Variants in OLFML1 observed in about 807,000 individuals in gnomAD.
The protein encoded by OLFML1 is olfactomedin like 1, also known as olfactomedin-like protein 1.
Under a neutral mutation model 37.3 loss-of-function variants are expected in OLFML1, and 33 were observed. The ratio of observed to expected loss-of-function variants is 0.88; its 90% confidence interval spans 0.67 to 1.18. OLFML1 has a LOEUF of 1.18. Ranked by LOEUF, OLFML1 falls within the 50% of genes most tolerant of loss-of-function variation. The pLI, the probability that OLFML1 is intolerant of heterozygous loss-of-function variation, is 0.00. For missense variants in OLFML1, 545 were observed against 483.7 expected, an observed-to-expected ratio of 1.13 and a Z score of -1.19; for synonymous variants, 186 against 181.3, an observed-to-expected ratio of 1.03 and a Z score of -0.21.
intron 2 of OLFML1, among the ~76,000 whole-genome samples, chr11:7,492,913 A>G (rs909482660): frequency 2.6e-5 from 4 of 152,208 alleles, no homozygotes; most frequent in African/African-American, 9.7e-5. Flanking sequence ...ATGACAAAGA[A>G]TCATTCCCTC....
chr11:7,494,259 G>A (rs1848635694), intron 2 of OLFML1, among the ~76,000 whole-genome samples: 1 of 152,272 alleles, frequency 6.6e-6, no homozygotes, highest in South Asian at 2.1e-4. Context: ...GGTGATGAAA[G>A]AACCAGACAT....
intron 2 of OLFML1, among the ~76,000 whole-genome samples, chr11:7,491,306 C>T (rs972090698): frequency 4.6e-5 from 7 of 152,182 alleles, no homozygotes; most frequent in African/African-American, 1.4e-4. Flanking sequence ...CTCACATATC[C>T]GACCACACAA....
chr11:7,488,233 G>T lies in OLFML1; in HGVS notation c.236G>T (p.Ser79Ile). 6.2e-7 allele frequency: 1 copy of T among 1,614,044 alleles called. No homozygotes were observed. The highest frequency in any genetic ancestry group is 2.2e-5 in the East Asian group (1 of 44,862). The stretch of plus-strand genomic sequence containing the variant: ...CTGGGAAGATGTCAGACCTACACAA[G>T]TGAGTACAAGAGTGCAGTGGGTAAC... ...VMLGRCQTYTSEYKSAVGNLA... is the reference protein window; with the variant it reads ...VMLGRCQTYTIEYKSAVGNLA... The change falls in exon 2 of 3, where the codon AGT becomes ATT. Residue 79 changes from serine (S) to isoleucine (I), a missense_variant. Ser to Ile is a moderately radical substitution (Grantham distance 142, BLOSUM62 -2). Coordinates refer to ENST00000329293, the MANE Select transcript of OLFML1 (RefSeq NM_198474.4).
chr11:7,504,847 T>A (rs1848766378), intron 2 of OLFML1: 1 of 152,368 alleles, frequency 6.6e-6, no homozygotes, highest in Non-Finnish European at 1.5e-5. Flanking sequence ...TTTCTTGTCC[T>A]CTGACTCCAG....
At position 7,491,399 on chromosome 11, in the gene OLFML1, C is replaced by G. The variant is rs116150942; in HGVS notation, c.418+2984C>G. 4.5e-3 allele frequency among the ~76,000 whole-genome samples: 679 copies of G among 152,312 alleles called. 5 individuals carry two copies. The highest frequency in any genetic ancestry group is 0.016 in the African/African-American group (645 of 41,564). ...GCATTCACAGAGCCTAGGTCATGTC[C>G]TCCCATGGAGAAGGCCACAGAAATT... On this transcript the variant is annotated intron_variant, in intron 2 of 2. Coordinates refer to ENST00000329293, the MANE Select transcript of OLFML1 (RefSeq NM_198474.4).
At chr11:7,506,983 C>T (rs960326235) in intron 2 of OLFML1, among the ~76,000 whole-genome samples, 4 of 151,976 alleles carry the variant, frequency 2.6e-5, no homozygotes, top group Non-Finnish European at 1.5e-5. Context: ...GAGTATAACC[C>T]CTGGAGGAGG....
At chr11:7,507,895 G>C (rs1483326879) in intron 2 of OLFML1, among the ~76,000 whole-genome samples, 1 of 152,172 alleles carries the variant, frequency 6.6e-6, no homozygotes, top group Non-Finnish European at 1.5e-5. Flanking sequence ...ATAGTCTGCT[G>C]TTGACCAGAA....
intron 1 of OLFML1, among the ~76,000 whole-genome samples, chr11:7,487,312 C>T (rs1007138034): frequency 1.3e-4 from 20 of 152,236 alleles, no homozygotes; most frequent in African/African-American, 2.2e-4. Context: ...AAGCCAGTGT[C>T]GGAGGGGTAG....
In OLFML1 at chr11:7,509,842, C is replaced by G. The variant is rs1386720901; in HGVS notation, c.863C>G (p.Thr288Ser). The change falls in exon 3 of 3, where the codon ACC becomes AGC. Residue 288 changes from threonine to serine, a missense_variant. Physicochemically the swap from Thr to Ser is moderately conservative, Grantham distance 58 (BLOSUM62 1). Coordinates refer to ENST00000329293, the MANE Select transcript of OLFML1 (RefSeq NM_198474.4). ...GLWAIHSGPGTHSHLVLTKIE... is the reference protein window; with the variant it reads ...GLWAIHSGPGSHSHLVLTKIE... Reference sequence around the variant, plus strand: ...TGGGCCATCCACTCTGGGCCAGGCACCCATAGCCATTTGGTTCTCACAAAG... The same window carrying G: ...TGGGCCATCCACTCTGGGCCAGGCAGCCATAGCCATTTGGTTCTCACAAAG... 6.2e-7 allele frequency: 1 copy of G among 1,614,220 alleles called. No homozygotes were observed. The highest frequency in any genetic ancestry group is 1.7e-5 in the Admixed American group (1 of 60,034).
At chr11:7,488,613 C>T in intron 2 of OLFML1, 198 bp downstream of exon 2, 1 of 474,698 alleles carries the variant, frequency 2.1e-6, no homozygotes. Flanking sequence ...GCCATTCTTT[C>T]TTTCACACAC....
chr11:7,509,613 T>C lies in OLFML1; in HGVS notation c.634T>C (p.Ser212Pro), dbSNP rs374141797. Residue 212 changes from serine to proline, a missense_variant, in exon 3 of 3, where the codon TCC becomes CCC. Physicochemically the swap from Ser to Pro is moderately conservative, Grantham distance 74. Transcript: ENST00000329293. Reference sequence around the variant, plus strand: ...TCCCCGGAAGCAAATCCTAACACTTTCCTGGCAGGGAACAGGCCAAGTGAT... The same window carrying C: ...TCCCCGGAAGCAAATCCTAACACTTCCCTGGCAGGGAACAGGCCAAGTGAT... ...PAPRKQILTL[S>P]WQGTGQVIYK... 2.5e-6 allele frequency: 4 copies of C among 1,614,114 alleles called. No individual in the cohort carries two copies. The highest frequency in any genetic ancestry group is 2.7e-5 in the African/African-American group (2 of 74,934).
rs139973416 is a variant in OLFML1 at position 7,505,601 on chromosome 11, C to T, written c.419-3797C>T. 4.3e-3 allele frequency among the ~76,000 whole-genome samples: 658 copies of T among 152,266 alleles called. 4 individuals are homozygous for T. The highest frequency in any genetic ancestry group is 0.015 in the African/African-American group (635 of 41,540). Reference sequence around the variant, plus strand: ...ATCCTAGCACTTTGGGAGGCCAAGGCAGTAGGACCACTTGAGTCCTAGAGT... The same window carrying T: ...ATCCTAGCACTTTGGGAGGCCAAGGTAGTAGGACCACTTGAGTCCTAGAGT... On this transcript the variant is annotated intron_variant, in intron 2 of 2. Coordinates refer to ENST00000329293, the MANE Select transcript of OLFML1 (RefSeq NM_198474.4).
intron 2 of OLFML1, among the ~76,000 whole-genome samples, chr11:7,503,934 T>C (rs1426944526): frequency 1.3e-5 from 2 of 152,152 alleles, no homozygotes; most frequent in Non-Finnish European, 2.9e-5. Flanking sequence ...AGGCATACAG[T>C]AGTGAATGAA....
At position 7,510,208 on chromosome 11, in the gene OLFML1, A is replaced by G. The variant is rs1403495346; in HGVS notation, c.*20A>G. Reference sequence around the variant, plus strand: ...AAGTAATGCATTACAGCTGTGAGAAAGAGCACTGTGGCTTTGGCAGCTGTT... The same window carrying G: ...AAGTAATGCATTACAGCTGTGAGAAGGAGCACTGTGGCTTTGGCAGCTGTT... On this transcript the variant is annotated 3_prime_UTR_variant, in exon 3 of 3. Coordinates refer to ENST00000329293, the MANE Select transcript of OLFML1 (RefSeq NM_198474.4). 3 of 1,582,016 alleles carry G rather than the reference A, an allele frequency of 1.9e-6. No homozygotes were observed. The highest frequency in any genetic ancestry group is 2.6e-6 in the Non-Finnish European group (3 of 1,169,408).
Position 7,509,385 on chromosome 11 carries a change from C to A in OLFML1, c.419-13C>A, listed in dbSNP as rs1276525874. On this transcript the variant is annotated splice_polypyrimidine_tract_variant and intron_variant, in intron 2 of 2. Transcript: ENST00000329293. ...TTATAAAGTAATCTCTCCTTTTTCTCCTGTTTGGCCAGGCTGTGACAACAT... is the reference window on the plus strand; with the variant it reads ...TTATAAAGTAATCTCTCCTTTTTCTACTGTTTGGCCAGGCTGTGACAACAT... The A allele has an allele frequency of 6.4e-7, 1 of 1,572,346 alleles. No individual in the cohort carries two copies. Among genetic ancestry groups the A allele is most frequent in the South Asian group, 1.2e-5 (1 of 83,596 alleles).
chr11:7,485,715 G>C lies in OLFML1; in HGVS notation c.-161G>C. The C allele has an allele frequency of 2.8e-6, 2 of 723,844 alleles. No homozygotes were observed. The highest frequency in any genetic ancestry group is 3.5e-5 in the African/African-American group (2 of 56,802). The allele number at this position is 723,844 out of a possible 1,614,324, so 44.8% of individuals were successfully genotyped here. A position where few individuals can be genotyped will look rare whatever the true frequency, so the allele number is the denominator to read the frequency against. On this transcript the variant is annotated 5_prime_UTR_variant, in exon 1 of 3. Transcript: ENST00000329293. ...AGCTGGCAAACTGAGCTCACGTATC[G>C]GGTGGAATAACAAGCGGACTTTGCT...
chr11:7,505,545 A>T (rs770601558), intron 2 of OLFML1, among the ~76,000 whole-genome samples: 3 of 152,202 alleles, frequency 2.0e-5, no homozygotes, highest in African/African-American at 7.2e-5. Context: ...AGAAGTCCAC[A>T]ACTGGATTGG....
At chr11:7,493,517 T>G (rs1393698887) in intron 2 of OLFML1, among the ~76,000 whole-genome samples, 1 of 152,270 alleles carries the variant, frequency 6.6e-6, no homozygotes, top group Non-Finnish European at 1.5e-5. Context: ...GGTGTGTGTG[T>G]GCACGTGTGT....
chr11:7,509,201 T>C (rs1289357404), intron 2 of OLFML1, among the ~76,000 whole-genome samples, 197 bp from the exon 3 acceptor site: 1 of 152,214 alleles, frequency 6.6e-6, no homozygotes, highest in Non-Finnish European at 1.5e-5. Context: ...AATGCATGCC[T>C]ATGTTGCATT....
Sources: allele counts gnomAD v4.1 joint callset (sites outside exome capture counted in the v4.1 genomes callset), GRCh38; gene constraint gnomAD v4.1.1; transcripts MANE v1.5; gene names NCBI Gene and HGNC (gene_info 2026-07-23, HGNC 2026-07-21).